The following LGALS9B variants were observed in gnomAD, a reference collection of about 807,000 sequenced individuals.
The protein encoded by LGALS9B is galectin 9B.
Under a neutral mutation model 35.9 loss-of-function variants are expected in LGALS9B, and 8 were observed. The observed-to-expected ratio is 0.22, with a 90% CI of 0.13 to 0.40. The LOEUF is 0.40. Among genes scored for constraint, LGALS9B ranks in the 10% least tolerant of loss-of-function variants. The probability of loss-of-function intolerance (pLI) is 1.00; values close to 1 mark genes in which losing one functional copy is unlikely to be tolerated. For missense variants in LGALS9B, 101 were observed against 397.9 expected (o/e 0.25, Z 6.35); for synonymous variants, 42 against 148.6 (o/e 0.28, Z 5.22).
intron 1 of LGALS9B, among the ~76,000 whole-genome samples, chr17:20,461,381 G>A (rs982533725): frequency 2.6e-5 from 4 of 151,922 alleles, no homozygotes; most frequent in South Asian, 2.1e-4. Flanking sequence ...CAGAGGAGAC[G>A]CTTCACCACT....
chr17:20,465,080 G>A (rs1363804562), intron 1 of LGALS9B, among the ~76,000 whole-genome samples: 2 of 151,992 alleles, frequency 1.3e-5, no homozygotes, highest in Admixed American at 6.6e-5. Context: ...CCCAGAGACC[G>A]GGGACTTTCC....
At chr17:20,467,179 C>A (rs1416982530) in intron 1 of LGALS9B, among the ~76,000 whole-genome samples, 1 of 144,190 alleles carries the variant, frequency 6.9e-6, no homozygotes. Context: ...CCTGAGCGCA[C>A]AGGACAGGAC....
intron 2 of LGALS9B, 69 bp downstream of exon 2, chr17:20,460,283 G>A (rs2042717131): frequency 6.2e-7 from 1 of 1,609,960 alleles, no homozygotes. Context: ...ACTAACCGAG[G>A]CTCACAGGCA....
chr17:20,466,385 G>A lies in LGALS9B; in HGVS notation c.39+1047C>T, dbSNP rs143261092. On this transcript the variant is annotated intron_variant, in intron 1 of 10. Transcript: ENST00000423676. The stretch of plus-strand genomic sequence containing the variant: ...GTATCACCAGAGGGCACCCAAGCCC[G>A]ACCCTGGCCTCTGCTGAGGTGGCCC... 3.8e-3 allele frequency among the ~76,000 whole-genome samples: 571 copies of A among 151,262 alleles called. 8 individuals carry two copies. The East Asian group carries it at 0.073, about 19-fold the overall frequency.
intron 2 of LGALS9B, 60 bp downstream of exon 2, chr17:20,460,292 C>A: frequency 6.2e-7 from 1 of 1,610,346 alleles, no homozygotes; most frequent in South Asian, 1.1e-5. Context: ...GGCTCACAGG[C>A]ACAGTGGCTT....
At chr17:20,458,947 A>AAT (rs1555546387) in intron 2 of LGALS9B, among the ~76,000 whole-genome samples, 10 of 137,158 alleles carry the variant, frequency 7.3e-5, no homozygotes, top group African/African-American at 2.8e-4. Context: ...AAAAAACAAA[A>AAT]AGATATATAT....
Position 20,460,387 on chromosome 17 carries a change from A to G in LGALS9B, c.96T>C (p.Thr32=). The G allele has an allele frequency of 1.2e-6, 2 of 1,602,000 alleles. No homozygotes were observed. The highest frequency in any genetic ancestry group is 1.7e-6 in the Non-Finnish European group (2 of 1,171,566). ...TGGAGCTGAGAACGGCCCCATTGAC[A>G]GTGATCTGAAATCCGTCCTGGAGAC... The part of the protein sequence containing the change: ...QGGLQDGFQI[T]VNGAVLSSSG... Residue 32 remains threonine, a synonymous_variant, in exon 2 of 11, where the codon ACT becomes ACC. Coordinates refer to ENST00000423676, the MANE Select transcript of LGALS9B (RefSeq NM_001367292.2).
Position 20,449,627 on chromosome 17 carries a change from G to C in LGALS9B, c.*346C>G, listed in dbSNP as rs1322486527. The stretch of plus-strand genomic sequence containing the variant: ...ACCAGGAGCAGACAGCTGGTGGCTT[G>C]AGACTGGGGTGGAGCTGCGTGGGGG... On this transcript the variant is annotated 3_prime_UTR_variant, in exon 11 of 11. Transcript: ENST00000423676. 5.5e-6 allele frequency: 1 copy of C among 181,450 alleles called. No individual in the cohort carries two copies. 11.2% of individuals were successfully genotyped at this position (181,450 alleles called of 1,614,324 possible).
intron 1 of LGALS9B, among the ~76,000 whole-genome samples, chr17:20,465,795 G>A (rs1336202881): frequency 7.3e-6 from 1 of 136,776 alleles, no homozygotes; most frequent in Non-Finnish European, 1.6e-5. Context: ...AGTGAACCGC[G>A]TGACCTTCCC....
Position 20,456,456 on chromosome 17 carries a change from G to C in LGALS9B, c.444+105C>G. On this transcript the variant is annotated intron_variant, in intron 4 of 10. Transcript: ENST00000423676. ...GGCGGGCAGGTACTGGGACAGGGAAGCAGAGGTTGTCCCCAGAGTGACCTG... is the reference window on the plus strand; with the variant it reads ...GGCGGGCAGGTACTGGGACAGGGAACCAGAGGTTGTCCCCAGAGTGACCTG... 5.9e-6 allele frequency: 2 copies of C among 341,096 alleles called. 1 individual carries two copies. The highest frequency in any genetic ancestry group is 6.6e-5 in the South Asian group (2 of 30,224). 21.1% of individuals were successfully genotyped at this position (341,096 alleles called of 1,614,324 possible). A position where few individuals can be genotyped will look rare whatever the true frequency, so the allele number is the denominator to read the frequency against.
At chr17:20,458,950 A>AT (rs2042709028) in intron 2 of LGALS9B, among the ~76,000 whole-genome samples, 1 of 78,490 alleles carries the variant, frequency 1.3e-5, no homozygotes, top group Admixed American at 1.3e-4. Flanking sequence ...AAACAAAAAG[A>AT]TATATATATA....
rs777930981 is a variant in LGALS9B, at chr17:20,450,003, G to A, written c.1041C>T (p.Gly347=). Residue 347 remains glycine, a synonymous_variant, in exon 11 of 11, where the codon GGC becomes GGT. Coordinates refer to ENST00000423676, the MANE Select transcript of LGALS9B (RefSeq NM_001367292.2). ...LPTINKLEVG[G]DIQLTHVQT ...TCTGCACGTGGGTCAGCTGGATGTC[G>A]CCACCCACTTCCAGTTTGTTGATGG... 1.4e-5 allele frequency: 16 copies of A among 1,112,000 alleles called. 2 individuals are homozygous for A. The highest frequency in any genetic ancestry group is 3.9e-5 in the South Asian group (3 of 76,430). The allele number at this position is 1,112,000 out of a possible 1,614,324, so 68.9% of individuals were successfully genotyped here.
chr17:20,456,241 G>A (rs2042689688), intron 4 of LGALS9B, among the ~76,000 whole-genome samples: 1 of 150,344 alleles, frequency 6.7e-6, no homozygotes, highest in South Asian at 2.1e-4. Flanking sequence ...GAATGGCAGA[G>A]CTGGGAATTT....
At chr17:20,465,940 G>T (rs574867374) in intron 1 of LGALS9B, among the ~76,000 whole-genome samples, 1 of 149,410 alleles carries the variant, frequency 6.7e-6, no homozygotes, top group African/African-American at 2.5e-5. Context: ...TGCACTGATC[G>T]TCTTTCTTGT....
rs1318644527 is a variant in LGALS9B, at chr17:20,449,971, G to A, written c.*2C>T. The A allele has an allele frequency of 2.2e-5, 25 of 1,135,808 alleles. 5 individuals are homozygous for A. Among genetic ancestry groups the A allele is most frequent in the Admixed American group, 4.5e-5 (2 of 44,216 alleles). The allele number at this position is 1,135,808 out of a possible 1,614,324, so 70.4% of individuals were successfully genotyped here. A position where few individuals can be genotyped will look rare whatever the true frequency, so the allele number is the denominator to read the frequency against. On this transcript the variant is annotated 3_prime_UTR_variant, in exon 11 of 11. Transcript: ENST00000423676. ...CCCCCGGCCCCAGGGCCAGGGAGCC[G>A]CCTATGTCTGCACGTGGGTCAGCTG...
chr17:20,453,007 G>T lies in LGALS9B; in HGVS notation c.627+10C>A, dbSNP rs370256410. 1.4e-5 allele frequency: 19 copies of T among 1,395,490 alleles called. 2 individuals carry two copies. The African/African-American group carries it at 2.3e-4, about 17-fold the overall frequency. 86.4% of individuals were successfully genotyped at this position (1,395,490 alleles called of 1,614,324 possible). The stretch of plus-strand genomic sequence containing the variant: ...TGCAGCTGTGAACTGATCAGAACTT[G>T]AAGACTTACAGAGAACATCTGTCCA... On this transcript the variant is annotated intron_variant, in intron 7 of 10. Transcript: ENST00000423676.
chr17:20,454,472 C>G (rs977868380), intron 5 of LGALS9B, among the ~76,000 whole-genome samples: 2 of 152,194 alleles, frequency 1.3e-5, no homozygotes, highest in South Asian at 2.1e-4. Flanking sequence ...TAGTGAGTGC[C>G]AGGCACTGTG....
At chr17:20,466,251 T>G (rs1311656414) in intron 1 of LGALS9B, among the ~76,000 whole-genome samples, 1 of 150,586 alleles carries the variant, frequency 6.6e-6, no homozygotes, top group Non-Finnish European at 1.5e-5. Flanking sequence ...GGGTCATTGG[T>G]GACAGCCAGG....
chr17:20,466,823 C>T (rs1240385255), intron 1 of LGALS9B, among the ~76,000 whole-genome samples: 1 of 147,670 alleles, frequency 6.8e-6, no homozygotes, highest in East Asian at 2.0e-4. Context: ...CCTCACCCTT[C>T]AGAGCACAGA....
Sources: allele counts gnomAD v4.1 joint callset (sites outside exome capture counted in the v4.1 genomes callset), GRCh38; gene constraint gnomAD v4.1.1; transcripts MANE v1.5; gene names NCBI Gene and HGNC (gene_info 2026-07-23, HGNC 2026-07-21).